The following ZNF688 variants were observed in gnomAD, a reference collection of about 807,000 sequenced individuals.
The protein encoded by ZNF688 is zinc finger protein 688.
A neutral mutation model predicts 13.2 loss-of-function variants in ZNF688; 10 were observed. The observed-to-expected ratio is 0.76, with a 90% CI of 0.47 to 1.28. The LOEUF is 1.28. ZNF688 is among the 50% of genes most tolerant of loss of function. The probability of loss-of-function intolerance (pLI) is 0.00; values close to 1 mark genes in which losing one functional copy is unlikely to be tolerated. For synonymous variants in ZNF688, 160 were observed against 159.4 expected (o/e 1.00, Z -0.03); for missense variants, 381 against 391.4 (o/e 0.97, Z 0.22).
Position 30,570,892 on chromosome 16 carries a change from C to G in ZNF688, c.310+118G>C, listed in dbSNP as rs74015012. 6,571 of 1,119,860 alleles carry G rather than the reference C, an allele frequency of 5.9e-3. 259 individuals carry two copies. In the African/African-American group the frequency reaches 0.089, roughly 15 times the overall value. 69.4% of individuals were successfully genotyped at this position (1,119,860 alleles called of 1,614,324 possible). On this transcript the variant is annotated intron_variant, in intron 2 of 2. Coordinates refer to ENST00000223459, the MANE Select transcript of ZNF688 (RefSeq NM_145271.4). ...TACCAGGTCTGCCTTCTTTACTCCT[C>G]TAGTACCCAACACAGTTGAATTTCT...
upstream of ZNF688, among the ~76,000 whole-genome samples, chr16:30,575,617 C>G (rs1054674362): frequency 2.0e-5 from 3 of 151,748 alleles, no homozygotes; most frequent in Admixed American, 1.3e-4. Flanking sequence ...TACTAACTTA[C>G]GTTCCCACCA....
At position 30,571,496 on chromosome 16, in the gene ZNF688, G is replaced by A; in HGVS notation, c.134C>T (p.Pro45Leu). 6.3e-7 allele frequency: 1 copy of A among 1,590,746 alleles called. No individual in the cohort carries two copies. The highest frequency in any genetic ancestry group is 8.5e-7 in the Non-Finnish European group (1 of 1,169,706). The change falls in exon 1 of 3, where the codon CCC becomes CTC. Residue 45 changes from proline to leucine, a missense_variant. Pro to Leu is a moderately conservative substitution (Grantham distance 98). Transcript: ENST00000223459. ...GTCCCGGTACAGAGCCCTCTGCGCG[G>A]GCCGCAGACAGCCCCACTCCTCCGG... ...FSPEEWGCLR[P>L]AQRALYRDVM... is the part of the protein sequence containing the mutation.
At chr16:30,572,426 G>A (rs1465316847), upstream of ZNF688, 4 of 861,434 alleles carry the variant, frequency 4.6e-6, no homozygotes, top group East Asian at 9.9e-5. Flanking sequence ...GTGTTTTACA[G>A]TAGCTTAGCT....
the ZNF688 span, chr16:30,578,459 C>T: frequency 6.6e-6 from 1 of 152,224 alleles, no homozygotes; most frequent in South Asian, 2.1e-4. Context: ...CAGGAGATGA[C>T]TGGGCTTCAA....
the ZNF688 span, among the ~76,000 whole-genome samples, chr16:30,578,128 CAT>C: frequency 8.7e-4 from 133 of 152,208 alleles, no homozygotes; most frequent in African/African-American, 3.0e-3. Context: ...CACTTGAGCC[CAT>C]GAGTTCAAGA....
chr16:30,572,956 G>C (rs189995539), upstream of ZNF688, among the ~76,000 whole-genome samples: 364 of 152,124 alleles, frequency 2.4e-3, 1 homozygote, highest in African/African-American at 8.2e-3. Context: ...GCCCAGGCTG[G>C]AGTGCAATGG....
Position 30,570,110 on chromosome 16 carries a change from A to G in ZNF688, c.637T>C (p.Cys213Arg). The G allele has an allele frequency of 6.2e-7, 1 of 1,611,462 alleles. No individual in the cohort carries two copies. The highest frequency in any genetic ancestry group is 8.5e-7 in the Non-Finnish European group (1 of 1,179,022). ...RMHSGERPFP[C>R]PECGMRFKRK... ...TTGAAGCGCATGCCACACTCGGGGC[A>G]GGGGAAAGGCCGCTCCCCCGAGTGC... Residue 213 changes from cysteine to arginine, a missense_variant, in exon 3 of 3, where the codon TGC becomes CGC. Physicochemically the swap from Cys to Arg is radical, Grantham distance 180 (BLOSUM62 -3). Coordinates refer to ENST00000223459, the MANE Select transcript of ZNF688 (RefSeq NM_145271.4).
chr16:30,579,523 G>A, the ZNF688 span: 8 of 258,976 alleles, frequency 3.1e-5, no homozygotes, highest in Non-Finnish European at 6.3e-5. Flanking sequence ...GAGTAGCTGG[G>A]ACTACAGGCA....
At chr16:30,571,207 T>C in intron 1 of ZNF688, 84 bp from the exon 2 acceptor site, 1 of 1,522,300 alleles carries the variant, frequency 6.6e-7, no homozygotes, top group South Asian at 1.2e-5. Context: ...GGGCACCCCC[T>C]CGGAGCTTAT....
rs751430804 is a variant in ZNF688, at chr16:30,571,598, G to A, written c.32C>T (p.Pro11Leu). ...ACCAGGCCGGGTCTCCCCGGGCCTC[G>A]GCGCCAGGAGCGGGGCTGGGGGCGG... MAPPPAPLLA[P>L]RPGETRPGCR... Residue 11 changes from proline to leucine, a missense_variant, in exon 1 of 3, where the codon CCG becomes CTG. Pro to Leu is a moderately conservative substitution (Grantham distance 98, BLOSUM62 -3). Coordinates refer to ENST00000223459, the MANE Select transcript of ZNF688 (RefSeq NM_145271.4). The A allele has an allele frequency of 6.5e-7, 1 of 1,527,486 alleles. No homozygotes were observed. The highest frequency in any genetic ancestry group is 1.2e-5 in the South Asian group (1 of 81,970). The allele number at this position is 1,527,486 out of a possible 1,614,324, so 94.6% of individuals were successfully genotyped here. A position where few individuals can be genotyped will look rare whatever the true frequency, so the allele number is the denominator to read the frequency against.
chr16:30,571,153 C>A, intron 1 of ZNF688, 30 bp from the exon 2 acceptor site: 1 of 1,555,662 alleles, frequency 6.4e-7, no homozygotes, highest in Non-Finnish European at 8.7e-7. Context: ...ACAGCGCGGG[C>A]CTGAGAGGCC....
the ZNF688 span, chr16:30,579,705 C>A: frequency 1.1e-5 from 5 of 438,640 alleles, no homozygotes; most frequent in East Asian, 3.6e-4. Flanking sequence ...TATCTTGGAA[C>A]CCAAGGATTC....
At chr16:30,576,944 T>G (rs2051753008), upstream of ZNF688, among the ~76,000 whole-genome samples, 2 of 151,778 alleles carry the variant, frequency 1.3e-5, no homozygotes. Flanking sequence ...AATTTTCGTT[T>G]TTGTAGAGAT....
In ZNF688 at chr16:30,571,043, C is replaced by T; in HGVS notation, c.277G>A (p.Glu93Lys). ...EAWSPAAQDP[E>K]KGERLGGARR... ...GCTCCTCCCAGTCTTTCCCCCTTCT[C>T]AGGATCCTGGGCGGCGGGGCTCCAA... Residue 93 changes from glutamate (E) to lysine (K), a missense_variant, in exon 2 of 3, where the codon GAG becomes AAG. By Grantham distance (56) the Glu-to-Lys change is moderately conservative. Coordinates refer to ENST00000223459, the MANE Select transcript of ZNF688 (RefSeq NM_145271.4). The T allele has an allele frequency of 2.2e-5, 36 of 1,612,802 alleles. No homozygotes were observed. Among genetic ancestry groups the T allele is most frequent in the Non-Finnish European group, 3.1e-5 (36 of 1,179,506 alleles).
upstream of ZNF688, chr16:30,572,519 G>C: frequency 2.5e-6 from 1 of 407,062 alleles, no homozygotes; most frequent in Non-Finnish European, 4.3e-6. Context: ...AACGTGCTTG[G>C]TGAGGATGGA....
upstream of ZNF688, chr16:30,571,848 G>T (rs182051756): frequency 4.7e-6 from 6 of 1,287,096 alleles, no homozygotes; most frequent in Admixed American, 4.1e-5. Context: ...CTTCATGGCC[G>T]CTTGGACATA....
At chr16:30,579,573 G>A in the ZNF688 span, 3 of 297,190 alleles carry the variant, frequency 1.0e-5, no homozygotes, top group Non-Finnish European at 2.0e-5. Context: ...TAGAGATGGG[G>A]TTTCACTATA....
upstream of ZNF688, chr16:30,572,421 T>A: frequency 1.1e-6 from 1 of 895,376 alleles, no homozygotes; most frequent in Non-Finnish European, 1.5e-6. Flanking sequence ...GGTGCGTGTT[T>A]TACAGTAGCT....
the ZNF688 span, among the ~76,000 whole-genome samples, chr16:30,578,105 CAGAT>C: frequency 1.3e-5 from 2 of 152,104 alleles, no homozygotes; most frequent in Non-Finnish European, 2.9e-5. Flanking sequence ...TTGGGAGGCT[CAGAT>C]AGACAGATCA....
Sources: allele counts gnomAD v4.1 joint callset (sites outside exome capture counted in the v4.1 genomes callset), GRCh38; gene constraint gnomAD v4.1.1; transcripts MANE v1.5; gene names NCBI Gene and HGNC (gene_info 2026-07-23, HGNC 2026-07-21).